FGF14: variants seen among roughly 807,000 people sequenced by gnomAD.
FGF14 encodes fibroblast growth factor 14, also known as fibroblast growth factor homologous factor 4.
Under a neutral mutation model 25.5 loss-of-function variants are expected in FGF14, and 5 were observed. The ratio of observed to expected loss-of-function variants is 0.20; its 90% CI spans 0.10 to 0.41. FGF14 has a LOEUF of 0.41. FGF14 is among the 10% of genes least tolerant of loss of function. The pLI, the probability that FGF14 is intolerant of heterozygous loss-of-function variation, is 1.00. For missense variants in FGF14, 222 were observed against 320.1 expected (o/e 0.69, Z 2.34); for synonymous variants, 138 against 118.3 (o/e 1.17, Z -1.08).
chr13:102,217,331 T>C (rs2050416884), intron 1 of FGF14, among the ~76,000 whole-genome samples: 1 of 152,220 alleles, frequency 6.6e-6, no homozygotes, highest in South Asian at 2.1e-4. Flanking sequence ...CACAGTTTTA[T>C]TGCTATCTTC....
At chr13:101,866,172 C>G (rs925472902) in intron 3 of FGF14, among the ~76,000 whole-genome samples, 16 of 151,934 alleles carry the variant, frequency 1.1e-4, no homozygotes, top group Admixed American at 2.0e-4. Context: ...TTAAAGGAAA[C>G]AGATTATGTT....
intron 1 of FGF14, among the ~76,000 whole-genome samples, chr13:102,091,391 G>A (rs1028135993): frequency 2.6e-5 from 4 of 152,136 alleles, no homozygotes; most frequent in Non-Finnish European, 5.9e-5. Flanking sequence ...GCCCCTTCCT[G>A]TGTCCCTCTA....
At chr13:102,232,207 T>C (rs1427297294) in intron 1 of FGF14, among the ~76,000 whole-genome samples, 1 of 152,192 alleles carries the variant, frequency 6.6e-6, no homozygotes, top group East Asian at 1.9e-4. Flanking sequence ...ACATTAAATG[T>C]TTAACATGTT....
chr13:101,814,643 T>C (rs1234025044), intron 3 of FGF14, among the ~76,000 whole-genome samples: 1 of 152,214 alleles, frequency 6.6e-6, no homozygotes, highest in African/African-American at 2.4e-5. Flanking sequence ...GTGTCTTTTG[T>C]GGAAACTTCA....
chr13:102,135,738 C>T (rs2046384665), intron 1 of FGF14, among the ~76,000 whole-genome samples: 1 of 152,196 alleles, frequency 6.6e-6, no homozygotes, highest in South Asian at 2.1e-4. Flanking sequence ...TTACTGCAAC[C>T]TCTGCCTCCC....
chr13:101,760,455 A>G (rs779316044), intron 3 of FGF14, among the ~76,000 whole-genome samples: 40 of 152,202 alleles, frequency 2.6e-4, no homozygotes, highest in Non-Finnish European at 4.6e-4. Flanking sequence ...GGAGAGTTAA[A>G]GTGGCAACAA....
chr13:102,238,353 C>T (rs2051424901), intron 1 of FGF14, among the ~76,000 whole-genome samples: 1 of 152,192 alleles, frequency 6.6e-6, no homozygotes, highest in South Asian at 2.1e-4. Flanking sequence ...CATCTTCTGT[C>T]CTGTCTTGTA....
intron 1 of FGF14, among the ~76,000 whole-genome samples, chr13:102,127,444 G>C (rs939118330): frequency 6.6e-6 from 1 of 152,066 alleles, no homozygotes; most frequent in African/African-American, 2.4e-5. Flanking sequence ...GTAACGCAAG[G>C]CTTCAACTCT....
In FGF14 at chr13:101,722,423, CAA is replaced by C. The variant is rs2035055990; in HGVS notation, c.*406_*407del. On this transcript the variant is annotated 3_prime_UTR_variant, in exon 5 of 5. Coordinates refer to ENST00000376143, the MANE Select transcript of FGF14 (RefSeq NM_004115.4). ...TTACAGCGTCTAACTAGAAATTACT[CAA>C]TATTATTTGTGTGCTACAAAATTGA... 1 of 297,150 alleles carries C rather than the reference CAA, an allele frequency of 3.4e-6. No individual in the cohort carries two copies. The allele number at this position is 297,150 out of a possible 1,614,324, so 18.4% of individuals were successfully genotyped here.
intron 1 of FGF14, among the ~76,000 whole-genome samples, chr13:102,265,881 G>A (rs1329799717): frequency 6.6e-6 from 1 of 151,848 alleles, no homozygotes; most frequent in Non-Finnish European, 1.5e-5. Flanking sequence ...GCATACTAAT[G>A]GAGATTTCCT....
intron 1 of FGF14, among the ~76,000 whole-genome samples, chr13:102,063,981 T>C (rs923194402): frequency 1.8e-4 from 28 of 152,180 alleles, no homozygotes; most frequent in African/African-American, 6.8e-4. Flanking sequence ...TAGTAAACCA[T>C]ACTTGCTATA....
At chr13:102,064,779 TTG>T (rs138180150) in intron 1 of FGF14, among the ~76,000 whole-genome samples, 1,873 of 152,024 alleles carry the variant, frequency 0.012, 12 homozygotes, top group Non-Finnish European at 0.021. Context: ...AGTGTGTATA[TTG>T]TGTTAGGTTT....
At chr13:102,173,993 A>C (rs2048344117) in intron 1 of FGF14, among the ~76,000 whole-genome samples, 1 of 152,112 alleles carries the variant, frequency 6.6e-6, no homozygotes, top group Non-Finnish European at 1.5e-5. Context: ...AAGGAGGAGA[A>C]TGTCAAATTA....
At chr13:102,040,152 C>T (rs2041662087) in intron 1 of FGF14, among the ~76,000 whole-genome samples, 1 of 152,096 alleles carries the variant, frequency 6.6e-6, no homozygotes, top group South Asian at 2.1e-4. Flanking sequence ...GTGAAGATCA[C>T]AGAGATCTCC....
chr13:102,255,067 C>T (rs2052371596), intron 1 of FGF14, among the ~76,000 whole-genome samples: 1 of 152,194 alleles, frequency 6.6e-6, no homozygotes, highest in Non-Finnish European at 1.5e-5. Context: ...AGTGCTGTTT[C>T]CATGAATCAA....
At chr13:102,256,929 A>C (rs1251073253) in intron 1 of FGF14, among the ~76,000 whole-genome samples, 1 of 152,300 alleles carries the variant, frequency 6.6e-6, no homozygotes, top group Admixed American at 6.5e-5. Flanking sequence ...AAAATAAATC[A>C]TATTTTTGCT....
intron 1 of FGF14, among the ~76,000 whole-genome samples, chr13:102,116,375 AGT>A (rs1220048325): frequency 6.6e-6 from 1 of 151,856 alleles, no homozygotes; most frequent in East Asian, 1.9e-4. Flanking sequence ...TGCGTAGTAT[AGT>A]GTGTGTGTGC....
chr13:102,202,787 T>C (rs1310793342), intron 1 of FGF14, among the ~76,000 whole-genome samples: 1 of 152,166 alleles, frequency 6.6e-6, no homozygotes, highest in Non-Finnish European at 1.5e-5. Context: ...TTTGGTAAAA[T>C]GTCCTTTTCT....
At chr13:101,977,737 A>T (rs1029019475) in intron 1 of FGF14, among the ~76,000 whole-genome samples, 1 of 152,186 alleles carries the variant, frequency 6.6e-6, no homozygotes, top group Admixed American at 6.5e-5. Context: ...AAACAAACAA[A>T]AACAAAAAAT....
Sources: gnomAD v4.1 joint callset for allele counts (sites outside exome capture counted in the v4.1 genomes callset) on GRCh38, gnomAD v4.1.1 for gene constraint, MANE v1.5 for transcripts, NCBI Gene and HGNC (gene_info 2026-07-23, HGNC 2026-07-21) for gene names.